NKAIN3: variants seen among roughly 807,000 people sequenced by gnomAD.
NKAIN3 encodes sodium/potassium-transporting ATPase subunit beta-1-interacting protein 3.
Under a neutral mutation model 30.2 loss-of-function variants are expected in NKAIN3, and 25 were observed. The ratio of observed to expected loss-of-function variants is 0.83; its 90% CI spans 0.60 to 1.16. NKAIN3 has a LOEUF of 1.16. Ranked by LOEUF, NKAIN3 falls within the 50% of genes most tolerant of loss-of-function variation. NKAIN3 has a pLI of 0.00. For missense variants in NKAIN3, 225 were observed against 254.1 expected (o/e 0.89, Z 0.78); for synonymous variants, 91 against 89.6 (o/e 1.02, Z -0.09).
intron 1 of NKAIN3, among the ~76,000 whole-genome samples, chr8:62,290,358 A>T (rs1043918848): frequency 5.9e-5 from 9 of 152,202 alleles, no homozygotes; most frequent in Non-Finnish European, 1.2e-4. Flanking sequence ...TTGCCCATTC[A>T]GTATGATATT....
intron 3 of NKAIN3, among the ~76,000 whole-genome samples, chr8:62,726,036 T>C (rs1423797442): frequency 6.6e-6 from 1 of 152,116 alleles, no homozygotes; most frequent in Non-Finnish European, 1.5e-5. Flanking sequence ...TTTATAATTT[T>C]TATTGTATAG....
chr8:62,796,200 A>G (rs938461293), intron 4 of NKAIN3, among the ~76,000 whole-genome samples: 1 of 151,854 alleles, frequency 6.6e-6, no homozygotes, highest in Non-Finnish European at 1.5e-5. Flanking sequence ...ACTGGCCAAC[A>G]GAATGAAACC....
intron 2 of NKAIN3, among the ~76,000 whole-genome samples, chr8:62,583,471 C>A (rs575742771): frequency 6.6e-6 from 1 of 152,286 alleles, no homozygotes; most frequent in Non-Finnish European, 1.5e-5. Flanking sequence ...AGAAAGAAAG[C>A]AACAAATTTG....
chr8:62,293,133 A>C lies in NKAIN3; in HGVS notation c.54+44006A>C, dbSNP rs574520787. ...GTTTATTCTAGTTAGCTATTCGTCTAATCTTTTTTCAAGGTTTTTAGCTTC... is the reference window on the plus strand; with the variant it reads ...GTTTATTCTAGTTAGCTATTCGTCTCATCTTTTTTCAAGGTTTTTAGCTTC... On this transcript the variant is annotated intron_variant, in intron 1 of 6. Transcript: ENST00000623646. Among the ~76,000 whole-genome samples, 6 of 152,142 alleles carry C rather than the reference A, an allele frequency of 3.9e-5. No homozygotes were observed. In the East Asian group the frequency reaches 7.7e-4, roughly 20 times the overall value.
At chr8:62,653,334 G>A (rs1465792233) in intron 3 of NKAIN3, among the ~76,000 whole-genome samples, 1 of 152,044 alleles carries the variant, frequency 6.6e-6, no homozygotes, top group African/African-American at 2.4e-5. Flanking sequence ...TTCTTATTAG[G>A]GTACTAATCC....
chr8:62,764,386 A>T (rs1563551780), intron 4 of NKAIN3, among the ~76,000 whole-genome samples: 1 of 152,208 alleles, frequency 6.6e-6, no homozygotes, highest in Non-Finnish European at 1.5e-5. Flanking sequence ...AGAGGGCATT[A>T]ATCTTGGTTC....
rs146161025 is a variant in NKAIN3, at chr8:62,904,686, C to T, written c.472-13767C>T. On this transcript the variant is annotated intron_variant, in intron 4 of 6. Coordinates refer to ENST00000623646, the MANE Select transcript of NKAIN3 (RefSeq NM_001304533.3). ...TATTTCAGACACCCTGGTTTTCCTC[C>T]CTTACCTCACTTTGCAATGCAATTC... 6.8e-3 allele frequency among the ~76,000 whole-genome samples: 1,043 copies of T among 152,284 alleles called. 46 individuals carry two copies. Among genetic ancestry groups the T allele is most frequent in the Admixed American group, 0.064 (986 of 15,288 alleles).
intron 1 of NKAIN3, among the ~76,000 whole-genome samples, chr8:62,522,051 T>A (rs1165190958): frequency 6.6e-6 from 1 of 151,974 alleles, no homozygotes; most frequent in African/African-American, 2.4e-5. Flanking sequence ...AAGGTGAGAG[T>A]GAACAGTCTG....
At chr8:62,585,579 G>C (rs936163898) in intron 2 of NKAIN3, among the ~76,000 whole-genome samples, 1 of 152,086 alleles carries the variant, frequency 6.6e-6, no homozygotes, top group Non-Finnish European at 1.5e-5. Context: ...TCAGGCATTA[G>C]TTAGATTGTC....
At chr8:62,406,814 T>C (rs1471757100) in intron 1 of NKAIN3, among the ~76,000 whole-genome samples, 38 of 152,230 alleles carry the variant, frequency 2.5e-4, no homozygotes, top group Non-Finnish European at 5.9e-5. Context: ...CAAATTCTTA[T>C]GTGATCATGG....
At chr8:62,991,591 T>C (rs772784714) in intron 5 of NKAIN3, among the ~76,000 whole-genome samples, 4 of 152,240 alleles carry the variant, frequency 2.6e-5, no homozygotes, top group South Asian at 2.1e-4. Flanking sequence ...AAGACATTTT[T>C]GCTTCCAGAT....
chr8:62,383,471 G>T, intron 1 of NKAIN3: 1 of 454,662 alleles, frequency 2.2e-6, no homozygotes. Flanking sequence ...TTTGTTTCCA[G>T]AATAGGGCAC....
intron 4 of NKAIN3, among the ~76,000 whole-genome samples, chr8:62,914,207 G>C (rs1378863577): frequency 1.3e-5 from 2 of 152,166 alleles, no homozygotes; most frequent in Non-Finnish European, 2.9e-5. Flanking sequence ...AATGGATGGA[G>C]CTGGAGGCTA....
intron 1 of NKAIN3, among the ~76,000 whole-genome samples, chr8:62,440,784 A>G (rs902939596): frequency 5.9e-5 from 9 of 152,108 alleles, no homozygotes; most frequent in African/African-American, 2.2e-4. Context: ...TGTTCCAGAA[A>G]GATTAATGTA....
intron 1 of NKAIN3, among the ~76,000 whole-genome samples, chr8:62,546,113 G>A (rs567059736): frequency 1.3e-5 from 2 of 152,296 alleles, no homozygotes; most frequent in Admixed American, 6.5e-5. Flanking sequence ...CTGGATAGCA[G>A]ATGAAAAGCT....
chr8:62,285,742 C>A (rs1813361094), intron 1 of NKAIN3, among the ~76,000 whole-genome samples: 2 of 152,088 alleles, frequency 1.3e-5, no homozygotes, highest in Admixed American at 1.3e-4. Context: ...TTGAACTTGG[C>A]AGATTAGGGT....
At chr8:62,400,504 G>T (rs555667363) in intron 1 of NKAIN3, among the ~76,000 whole-genome samples, 1 of 152,148 alleles carries the variant, frequency 6.6e-6, no homozygotes, top group Admixed American at 6.5e-5. Flanking sequence ...CGGATGTTTT[G>T]TTAAGATTGA....
chr8:62,375,223 G>A (rs1817036371), intron 1 of NKAIN3, among the ~76,000 whole-genome samples: 1 of 152,160 alleles, frequency 6.6e-6, no homozygotes, highest in South Asian at 2.1e-4. Flanking sequence ...TATTAAATGG[G>A]ACCGATGTCA....
intron 2 of NKAIN3, among the ~76,000 whole-genome samples, chr8:62,580,537 A>G (rs1810256737): frequency 6.6e-6 from 1 of 152,182 alleles, no homozygotes; most frequent in Admixed American, 6.5e-5. Flanking sequence ...CCTCACTAGA[A>G]GAAAATCATA....
Sources: allele counts gnomAD v4.1 joint callset (sites outside exome capture counted in the v4.1 genomes callset), GRCh38; gene constraint gnomAD v4.1.1; transcripts MANE v1.5; gene names NCBI Gene and HGNC (gene_info 2026-07-23, HGNC 2026-07-21).